The following UBA3 variants were observed in gnomAD, a reference collection of about 807,000 sequenced individuals.
The protein encoded by UBA3 is ubiquitin like modifier activating enzyme 3, also known as NEDD8-activating enzyme E1 catalytic subunit.
A neutral mutation model predicts 73.5 loss-of-function variants in UBA3; 26 were observed. That is an observed-to-expected ratio of 0.35 (90% CI 0.26 to 0.49). The LOEUF (loss-of-function observed/expected upper bound fraction) is 0.49. UBA3 is among the 20% of genes least tolerant of loss of function. The pLI, the probability that UBA3 is intolerant of heterozygous loss-of-function variation, is 0.98. For missense variants in UBA3, 495 were observed against 555.6 expected, an observed-to-expected ratio of 0.89 and a Z score of 1.10; for synonymous variants, 217 against 191.2, an observed-to-expected ratio of 1.13 and a Z score of -1.11.
chr3:69,080,240 T>TGGGGGGGGGGGGGG, intron 1 of UBA3, 87 bp from the exon 2 acceptor site: 1 of 1,256,878 alleles, frequency 8.0e-7, no homozygotes, highest in Non-Finnish European at 1.1e-6. Flanking sequence ...GGGCGGGGGG[T>TGGGGGGGGGGGGGG]GTGGGGACCC....
At chr3:69,071,513 C>A (rs1328996008) in intron 5 of UBA3, 22 bp downstream of exon 5, 3 of 1,330,096 alleles carry the variant, frequency 2.3e-6, no homozygotes, top group Non-Finnish European at 3.1e-6. Context: ...AAAAAGAAAA[C>A]CGCTAAGATA....
intron 11 of UBA3, among the ~76,000 whole-genome samples, chr3:69,058,042 T>G (rs948983915): frequency 4.7e-5 from 7 of 149,990 alleles, no homozygotes; most frequent in African/African-American, 1.7e-4. Flanking sequence ...GCCATTCTCC[T>G]GCCTCAGCCT....
rs1490679391 is a variant in UBA3, at chr3:69,055,378, T to A, written c.*59A>T. ...TTGCTAAAAATGACATCGATTCAAC[T>A]TCTTAGCATCCACAAAGTATATTAT... On this transcript the variant is annotated 3_prime_UTR_variant, in exon 18 of 18. Coordinates refer to ENST00000361055, the MANE Select transcript of UBA3 (RefSeq NM_003968.4). 1 of 1,160,608 alleles carries A rather than the reference T, an allele frequency of 8.6e-7. No individual in the cohort carries two copies. Among genetic ancestry groups the A allele is most frequent in the Non-Finnish European group, 1.2e-6 (1 of 851,828 alleles). 71.9% of individuals were successfully genotyped at this position (1,160,608 alleles called of 1,614,324 possible).
chr3:69,056,923 A>G (rs2091978945), intron 12 of UBA3, 108 bp from the exon 13 acceptor site: 2 of 1,245,964 alleles, frequency 1.6e-6, no homozygotes, highest in Admixed American at 4.7e-5. Context: ...TCATTAAAAA[A>G]TACATATTCC....
chr3:69,065,954 A>AT (rs201761978), intron 6 of UBA3, among the ~76,000 whole-genome samples: 11 of 150,858 alleles, frequency 7.3e-5, no homozygotes, highest in Non-Finnish European at 1.3e-4. Context: ...TTCTAATTGA[A>AT]TTTTTTTTTG....
chr3:69,057,493 T>C (rs964802730), intron 11 of UBA3, among the ~76,000 whole-genome samples, 184 bp from the exon 12 acceptor site: 30 of 152,206 alleles, frequency 2.0e-4, no homozygotes, highest in African/African-American at 7.2e-4. Context: ...AAATTCAGAA[T>C]CTTAAGCTAC....
rs193282337 is a variant in UBA3 at position 69,068,065 on chromosome 3, A to G, written c.348-57T>C. On this transcript the variant is annotated intron_variant, in intron 5 of 17. Transcript: ENST00000361055. ...ATTATAAATCTATATGATCTACATA[A>G]CTTATTTTCAAACATAAAAGTAAAT... The G allele has an allele frequency of 1.6e-5, 18 of 1,128,922 alleles. 1 individual carries two copies. In the African/African-American group the frequency reaches 2.4e-4, roughly 15 times the overall value. The allele number at this position is 1,128,922 out of a possible 1,614,324, so 69.9% of individuals were successfully genotyped here.
chr3:69,078,201 AG>A (rs1193555041), intron 2 of UBA3, among the ~76,000 whole-genome samples: 2 of 152,222 alleles, frequency 1.3e-5, no homozygotes, highest in Admixed American at 6.5e-5. Flanking sequence ...GGTTCAACTT[AG>A]GATATTGGTC....
At chr3:69,078,725 G>A (rs187622776) in intron 2 of UBA3, among the ~76,000 whole-genome samples, 17 of 152,156 alleles carry the variant, frequency 1.1e-4, no homozygotes, top group Non-Finnish European at 1.9e-4. Context: ...CGTCCACCTC[G>A]GCCTCCCAAA....
Position 69,071,620 on chromosome 3 carries a change from G to A in UBA3, c.265-3C>T. 5 of 1,527,656 alleles carry A rather than the reference G, an allele frequency of 3.3e-6. No individual in the cohort carries two copies. The highest frequency in any genetic ancestry group is 3.5e-6 in the Non-Finnish European group (4 of 1,144,886). 94.6% of individuals were successfully genotyped at this position (1,527,656 alleles called of 1,614,324 possible). On this transcript the variant is annotated splice_region_variant and splice_polypyrimidine_tract_variant and intron_variant, in intron 4 of 17. Coordinates refer to ENST00000361055, the MANE Select transcript of UBA3 (RefSeq NM_003968.4). ...ATCTGTCTAAAACCAGACAAGGCCT[G>A]TGGGAATAAAAACAATCCAATTAAG...
intron 4 of UBA3, among the ~76,000 whole-genome samples, chr3:69,074,146 A>G (rs531454108): frequency 3.3e-5 from 5 of 152,370 alleles, no homozygotes; most frequent in African/African-American, 9.6e-5. Flanking sequence ...TACACTTAAA[A>G]TTAGTAAATG....
At chr3:69,058,164 T>C (rs1197989862) in intron 11 of UBA3, among the ~76,000 whole-genome samples, 2 of 152,124 alleles carry the variant, frequency 1.3e-5, no homozygotes, top group African/African-American at 4.8e-5. Context: ...TATCCTGACC[T>C]TGTGATCCGC....
chr3:69,057,949 A>T (rs1331055639), intron 11 of UBA3, among the ~76,000 whole-genome samples: 1 of 127,078 alleles, frequency 7.9e-6, no homozygotes. Context: ...TTTTTGAGAC[A>T]GAGTCTCGCT....
rs78200925 is a variant in UBA3 at position 69,064,631 on chromosome 3, A to C, written c.429-520T>G. ...ATTTTTTGTGGGGAGGAGAAAAAGTACGAATTTTTTCTACCTTTCTCATTT... is the reference window on the plus strand; with the variant it reads ...ATTTTTTGTGGGGAGGAGAAAAAGTCCGAATTTTTTCTACCTTTCTCATTT... On this transcript the variant is annotated intron_variant, in intron 6 of 17. Transcript: ENST00000361055. 2.6e-3 allele frequency among the ~76,000 whole-genome samples: 396 copies of C among 152,336 alleles called. 1 individual carries two copies. Among genetic ancestry groups the C allele is most frequent in the Non-Finnish European group, 4.4e-3 (296 of 68,028 alleles).
intron 15 of UBA3, 25 bp downstream of exon 15, chr3:69,056,158 C>T (rs574524037): frequency 4.8e-5 from 75 of 1,563,310 alleles, no homozygotes; most frequent in Non-Finnish European, 6.0e-5. Context: ...ATTTTTACAA[C>T]ATAACAAAAA....
chr3:69,061,672 A>T, intron 11 of UBA3, 142 bp downstream of exon 11: 1 of 520,024 alleles, frequency 1.9e-6, no homozygotes, highest in Non-Finnish European at 3.4e-6. Context: ...CCCCTAGCTA[A>T]TAAGTAGTAT....
In UBA3 at chr3:69,057,872, C is replaced by T. The variant is rs185210899; in HGVS notation, c.911-563G>A. Among the ~76,000 whole-genome samples, 8 of 151,020 alleles carry T rather than the reference C, an allele frequency of 5.3e-5. No homozygotes were observed. In the East Asian group the frequency reaches 1.6e-3, roughly 29 times the overall value. ...CCTTTATTATCTTTTACTCTACAAC[C>T]GAGGCTACACAAAATATTAAATACA... On this transcript the variant is annotated intron_variant, in intron 11 of 17. Coordinates refer to ENST00000361055, the MANE Select transcript of UBA3 (RefSeq NM_003968.4).
At chr3:69,070,935 T>C (rs549300553) in intron 5 of UBA3, among the ~76,000 whole-genome samples, 4 of 152,318 alleles carry the variant, frequency 2.6e-5, no homozygotes, top group Admixed American at 1.3e-4. Context: ...TAAGCCACCA[T>C]GCCTGGCCTC....
Position 69,062,134 on chromosome 3 carries a change from C to G in UBA3, c.739G>C (p.Glu247Gln). 6.2e-7 allele frequency: 1 copy of G among 1,613,794 alleles called. No individual in the cohort carries two copies. Among genetic ancestry groups the G allele is most frequent in the Non-Finnish European group, 8.5e-7 (1 of 1,179,812 alleles). The change falls in exon 10 of 18, where the codon GAA (glutamate) becomes CAA (glutamine). Residue 247 changes from glutamate to glutamine, a missense_variant. Transcript: ENST00000361055. ...ATCCTTACATACTCAATACAGTGTT[C>G]TGGTAGCCTGGGCATAGATGCAATG... Reference protein sequence around the residue: ...CTIASMPRLPEHCIEYVRMLQ... With the variant: ...CTIASMPRLPQHCIEYVRMLQ...
Sources: gnomAD v4.1 joint callset for allele counts (sites outside exome capture counted in the v4.1 genomes callset) on GRCh38, gnomAD v4.1.1 for gene constraint, MANE v1.5 for transcripts, NCBI Gene and HGNC (gene_info 2026-07-23, HGNC 2026-07-21) for gene names.